MAP4: variants seen among roughly 807,000 people sequenced by gnomAD.
The protein encoded by MAP4 is microtubule-associated protein 4.
Under a neutral mutation model 170.2 loss-of-function variants are expected in MAP4, and 76 were observed. The ratio of observed to expected loss-of-function variants is 0.45; its 90% confidence interval spans 0.37 to 0.54. MAP4 has a LOEUF of 0.54. Among genes scored for constraint, MAP4 ranks in the 20% least tolerant of loss-of-function variants. The pLI is 0.00. For synonymous variants in MAP4, 909 were observed against 994.5 expected, an observed-to-expected ratio of 0.91 and a Z score of 1.62; for missense variants, 2,506 against 2,748.0, an observed-to-expected ratio of 0.91 and a Z score of 1.97.
intron 1 of MAP4, among the ~76,000 whole-genome samples, chr3:48,037,720 A>G (rs2100119449): frequency 6.6e-6 from 1 of 152,012 alleles, no homozygotes; most frequent in Admixed American, 6.6e-5. Flanking sequence ...CCTACCCCTC[A>G]ACCTACCTCC....
intron 3 of MAP4, chr3:47,975,400 G>A (rs1228192439): frequency 1.0e-5 from 16 of 1,556,974 alleles, no homozygotes; most frequent in Admixed American, 1.9e-5. Flanking sequence ...GAAGTATAAC[G>A]ATGCTTAGGA....
In MAP4 at chr3:47,902,965, C is replaced by T. The variant is rs1466491346; in HGVS notation, c.5419G>A (p.Gly1807Arg). ...LSSSTVYQQL[G>R]MSVYGIARPE... ...AGTTTCTCACCATAAACTGACATTC[C>T]CAGCTGCTGGTAGACAGTTGATGAG... is the stretch of plus-strand genomic sequence containing the variant. Residue 1807 changes from glycine (G) to arginine (R), a missense_variant, in exon 10 of 21, where the codon GGA becomes AGA. Coordinates refer to ENST00000683076, the MANE Select transcript of MAP4 (RefSeq NM_001385682.1). The T allele has an allele frequency of 1.0e-6, 1 of 984,976 alleles. No individual in the cohort carries two copies. The highest frequency in any genetic ancestry group is 1.2e-6 in the Non-Finnish European group (1 of 829,774). The allele number at this position is 984,976 out of a possible 1,614,324, so 61.0% of individuals were successfully genotyped here. A position where few individuals can be genotyped will look rare whatever the true frequency, so the allele number is the denominator to read the frequency against.
At chr3:48,035,918 C>T (rs1244944310) in intron 1 of MAP4, among the ~76,000 whole-genome samples, 2 of 151,932 alleles carry the variant, frequency 1.3e-5, no homozygotes, top group African/African-American at 4.8e-5. Flanking sequence ...CCAGCCTGGG[C>T]GACAGAGCGA....
intron 3 of MAP4, among the ~76,000 whole-genome samples, chr3:47,967,911 C>T (rs2100076056): frequency 6.6e-6 from 1 of 151,720 alleles, no homozygotes; most frequent in East Asian, 1.9e-4. Context: ...GCTATGATCA[C>T]ACCACTGCAC....
In MAP4 at chr3:47,871,805, G is replaced by A. The variant is rs188691685; in HGVS notation, c.5941+112C>T. ...CAGGTAGTCCACTAAGGACCGGTGCGTAAGCAGGCCTGCACAGCTGTTTGT... is the reference window on the plus strand; with the variant it reads ...CAGGTAGTCCACTAAGGACCGGTGCATAAGCAGGCCTGCACAGCTGTTTGT... On this transcript the variant is annotated intron_variant, in intron 13 of 20. Coordinates refer to ENST00000683076, the MANE Select transcript of MAP4 (RefSeq NM_001385682.1). The A allele has an allele frequency of 5.1e-5, 53 of 1,044,836 alleles. No homozygotes were observed. The Admixed American group carries it at 7.2e-4, about 14-fold the overall frequency. 64.7% of individuals were successfully genotyped at this position (1,044,836 alleles called of 1,614,324 possible). A position where few individuals can be genotyped will look rare whatever the true frequency, so the allele number is the denominator to read the frequency against.
chr3:47,967,301 C>T (rs956336781), intron 3 of MAP4, among the ~76,000 whole-genome samples: 2 of 152,086 alleles, frequency 1.3e-5, no homozygotes, highest in Non-Finnish European at 1.5e-5. Flanking sequence ...GGTCACTGCA[C>T]TCCAGCCTGG....
chr3:48,049,183 T>C (rs946685608), intron 1 of MAP4, among the ~76,000 whole-genome samples: 2 of 152,262 alleles, frequency 1.3e-5, no homozygotes, highest in Non-Finnish European at 1.5e-5. Context: ...TGACACAACA[T>C]TTGGATTGGT....
In MAP4 at chr3:47,928,409, A is replaced by C; in HGVS notation, c.293-59T>G. 4 of 1,552,118 alleles carry C rather than the reference A, an allele frequency of 2.6e-6. No individual in the cohort carries two copies. The South Asian group carries it at 4.5e-5, about 18-fold the overall frequency. On this transcript the variant is annotated intron_variant, in intron 3 of 20. Transcript: ENST00000683076. ...ATATTACAGTTTTCTCCTCCACTAC[A>C]GTGGAATTTCTACAAAGTATTACAG...
intron 1 of MAP4, among the ~76,000 whole-genome samples, chr3:48,055,436 C>A (rs2100130536): frequency 6.6e-6 from 1 of 151,578 alleles, no homozygotes; most frequent in Non-Finnish European, 1.5e-5. Context: ...CAGCCCCTAA[C>A]CGCGAGTGAT....
intron 10 of MAP4, among the ~76,000 whole-genome samples, chr3:47,882,235 T>C (rs537132143): frequency 6.6e-4 from 101 of 152,198 alleles, no homozygotes; most frequent in Middle Eastern, 3.4e-3. Flanking sequence ...TCTGAGATTG[T>C]ACCACTGCAC....
chr3:47,964,397 G>A (rs963929232), intron 3 of MAP4, among the ~76,000 whole-genome samples: 2 of 152,168 alleles, frequency 1.3e-5, no homozygotes, highest in Non-Finnish European at 2.9e-5. Context: ...GGGTGTGAGA[G>A]GAGCAGAAGA....
chr3:47,973,094 A>C (rs1165025463), intron 3 of MAP4: 1 of 980,566 alleles, frequency 1.0e-6, no homozygotes, highest in African/African-American at 1.7e-5. Context: ...TGTTAATGTA[A>C]GATGTTTATT....
At chr3:47,892,296 C>G (rs771227452) in intron 10 of MAP4, 12 of 1,536,172 alleles carry the variant, frequency 7.8e-6, no homozygotes, top group African/African-American at 1.4e-5. Context: ...GCATTCTTCA[C>G]AAGCCCATCT....
At chr3:47,952,670 A>T (rs542558793) in intron 3 of MAP4, among the ~76,000 whole-genome samples, 101 of 151,258 alleles carry the variant, frequency 6.7e-4, no homozygotes, top group African/African-American at 2.3e-3. Context: ...AAAAAAAAAT[A>T]AAAATAAAAA....
chr3:47,872,458 C>T (rs2152266579), intron 12 of MAP4, among the ~76,000 whole-genome samples: 1 of 152,334 alleles, frequency 6.6e-6, no homozygotes, highest in African/African-American at 2.4e-5. Flanking sequence ...GCTGGGATTA[C>T]AGGCATGAGC....
At chr3:47,902,469 T>A (rs1339849409) in intron 10 of MAP4, among the ~76,000 whole-genome samples, 1 of 149,608 alleles carries the variant, frequency 6.7e-6, no homozygotes, top group East Asian at 2.0e-4. Context: ...AGGTCAGGAG[T>A]TCAAGACCAG....
At chr3:47,987,285 T>C in intron 2 of MAP4, 1 of 837,374 alleles carries the variant, frequency 1.2e-6, no homozygotes, top group Non-Finnish European at 1.8e-6. Context: ...ATTCCTGTGC[T>C]AGAGCATGTT....
intron 2 of MAP4, among the ~76,000 whole-genome samples, chr3:47,987,634 G>A (rs2100089590): frequency 6.6e-6 from 1 of 152,196 alleles, no homozygotes; most frequent in Non-Finnish European, 1.5e-5. Context: ...AACTAAATGT[G>A]AACATATCCC....
At chr3:48,051,775 A>C (rs2100128031) in intron 1 of MAP4, among the ~76,000 whole-genome samples, 1 of 152,220 alleles carries the variant, frequency 6.6e-6, no homozygotes, top group Non-Finnish European at 1.5e-5. Context: ...GACTAGACTA[A>C]ACTGAGTCCC....
Sources: allele counts gnomAD v4.1 joint callset (sites outside exome capture counted in the v4.1 genomes callset), GRCh38; gene constraint gnomAD v4.1.1; transcripts MANE v1.5; gene names NCBI Gene and HGNC (gene_info 2026-07-23, HGNC 2026-07-21).